TENM2: variants seen among roughly 807,000 people sequenced by gnomAD.
TENM2 encodes the protein teneurin-2.
TENM2 carries 52 observed loss-of-function variants against 245.2 expected under a neutral mutation model. The observed-to-expected ratio is 0.21, with a 90% CI of 0.17 to 0.27. The LOEUF (loss-of-function observed/expected upper bound fraction) is 0.27. Among genes scored for constraint, TENM2 ranks in the 10% least tolerant of loss-of-function variants. TENM2 has a pLI of 1.00. For missense variants in TENM2, 3,046 were observed against 3,666.8 expected, an observed-to-expected ratio of 0.83 and a Z score of 4.37; for synonymous variants, 1,363 against 1,438.9, an observed-to-expected ratio of 0.95 and a Z score of 1.19.
intron 2 of TENM2, among the ~76,000 whole-genome samples, chr5:167,396,918 G>C (rs1762085308): frequency 6.6e-6 from 1 of 152,132 alleles, no homozygotes; most frequent in Non-Finnish European, 1.5e-5. Flanking sequence ...GATGGGGTTA[G>C]AAGAACCAGC....
At chr5:167,446,793 G>GCACGCA (rs1765242439) in intron 2 of TENM2, among the ~76,000 whole-genome samples, 5 of 143,914 alleles carry the variant, frequency 3.5e-5, no homozygotes, top group Non-Finnish European at 7.6e-5. Flanking sequence ...TTTGAAACAC[G>GCACGCA]CACACACACA....
the TENM2 span, among the ~76,000 whole-genome samples, chr5:166,981,957 G>T: frequency 6.6e-6 from 1 of 152,134 alleles, no homozygotes; most frequent in Non-Finnish European, 1.5e-5. Flanking sequence ...TTTGTGGCTT[G>T]TTGATGGGTT....
chr5:167,570,891 T>C (rs979494005), intron 2 of TENM2, among the ~76,000 whole-genome samples: 2 of 152,096 alleles, frequency 1.3e-5, no homozygotes, highest in Non-Finnish European at 2.9e-5. Context: ...GATTTTACAT[T>C]TTACACTGGT....
intron 2 of TENM2, among the ~76,000 whole-genome samples, chr5:167,452,911 C>A (rs1765669844): frequency 1.8e-5 from 1 of 56,440 alleles, no homozygotes; most frequent in Non-Finnish European, 3.5e-5. Flanking sequence ...ACACATGTAC[C>A]CTAGAACTTA....
chr5:168,036,644 ATATAT>A lies in TENM2; in HGVS notation c.1187-10782_1187-10778del, dbSNP rs1239227015. ...AGAGCGAAACTCCATCAAAAAAAAA[ATATAT>A]ATATATATATATATAATATATGTAT... On this transcript the variant is annotated intron_variant, in intron 5 of 28. Transcript: ENST00000518659. Among the ~76,000 whole-genome samples, 253 of 109,712 alleles carry A rather than the reference ATATAT, an allele frequency of 2.3e-3. 4 individuals are homozygous for A. Among genetic ancestry groups the A allele is most frequent in the African/African-American group, 9.5e-3 (226 of 23,668 alleles). 72.0% of individuals were successfully genotyped at this position (109,712 alleles called of 152,430 possible).
the TENM2 span, among the ~76,000 whole-genome samples, chr5:167,208,183 AAGAG>A: frequency 2.0e-5 from 3 of 152,202 alleles, no homozygotes; most frequent in South Asian, 6.2e-4. Context: ...GAGGGTCAGA[AAGAG>A]AGAGAGATGA....
intron 1 of TENM2, among the ~76,000 whole-genome samples, chr5:167,329,920 A>G (rs1170448989): frequency 6.6e-6 from 1 of 152,166 alleles, no homozygotes; most frequent in Admixed American, 6.5e-5. Flanking sequence ...GGTCTTGAAC[A>G]TTGAAATCTA....
intron 2 of TENM2, among the ~76,000 whole-genome samples, chr5:167,783,911 G>A (rs549708907): frequency 1.1e-3 from 168 of 152,090 alleles, no homozygotes; most frequent in Non-Finnish European, 2.0e-3. Context: ...TAGAGGTGCA[G>A]TGTACCCCAA....
intron 1 of TENM2, among the ~76,000 whole-genome samples, chr5:167,345,404 C>T (rs1758394470): frequency 6.6e-6 from 1 of 152,216 alleles, no homozygotes; most frequent in Admixed American, 6.5e-5. Context: ...TTCAATCATA[C>T]ATCATTTACG....
chr5:167,758,539 T>A (rs1262540339), intron 2 of TENM2, among the ~76,000 whole-genome samples: 1 of 152,190 alleles, frequency 6.6e-6, no homozygotes, highest in Non-Finnish European at 1.5e-5. Context: ...TTTTTCTGTA[T>A]CTGAGACAGA....
At chr5:168,195,138 G>A in intron 14 of TENM2, 38 bp from the exon 17 acceptor site, 1 of 1,560,302 alleles carries the variant, frequency 6.4e-7, no homozygotes, top group Non-Finnish European at 8.7e-7. Flanking sequence ...CTGTTCTCCT[G>A]CATGTGGCTC....
the TENM2 span, among the ~76,000 whole-genome samples, chr5:167,133,392 T>G: frequency 6.6e-6 from 1 of 152,204 alleles, no homozygotes; most frequent in East Asian, 1.9e-4. Flanking sequence ...TGGCAGTTTG[T>G]GCATGCTTGG....
chr5:168,136,242 C>G (rs1755034831), intron 12 of TENM2, among the ~76,000 whole-genome samples: 1 of 152,154 alleles, frequency 6.6e-6, no homozygotes, highest in African/African-American at 2.4e-5. Flanking sequence ...GTGTGTCCCA[C>G]AAATAAGGAA....
At position 167,735,946 on chromosome 5, in the gene TENM2, AG is replaced by A. The variant is rs201559510; in HGVS notation, c.503-140034del. Reference sequence around the variant, plus strand: ...ATTGTACTTGTAGCATATACAATCTAGGGGGGAAAATAAAGTTTTACACATT... The same window carrying A: ...ATTGTACTTGTAGCATATACAATCTAGGGGGAAAATAAAGTTTTACACATT... On this transcript the variant is annotated intron_variant, in intron 2 of 28. Coordinates refer to ENST00000518659, the Ensembl canonical transcript of TENM2. Among the ~76,000 whole-genome samples, 1,228 of 152,304 alleles carry A rather than the reference AG, an allele frequency of 8.1e-3. 16 individuals are homozygous for A. The highest frequency in any genetic ancestry group is 0.028 in the African/African-American group (1,161 of 41,568).
chr5:167,748,697 A>G (rs1761753058), intron 2 of TENM2, among the ~76,000 whole-genome samples: 1 of 152,114 alleles, frequency 6.6e-6, no homozygotes, highest in Non-Finnish European at 1.5e-5. Flanking sequence ...TCATGACAGA[A>G]GGTGGAGCAG....
intron 3 of TENM2, among the ~76,000 whole-genome samples, chr5:167,918,924 G>T (rs996234683): frequency 9.2e-5 from 14 of 152,072 alleles, no homozygotes; most frequent in African/African-American, 2.9e-4. Context: ...CTGCAATAGC[G>T]AGTTAATTCA....
the TENM2 span, among the ~76,000 whole-genome samples, chr5:167,251,354 G>A: frequency 6.6e-6 from 1 of 152,094 alleles, no homozygotes; most frequent in African/African-American, 2.4e-5. Flanking sequence ...ATAGGAGAAT[G>A]TATAAACCTA....
intron 2 of TENM2, among the ~76,000 whole-genome samples, chr5:167,622,177 A>G (rs1778216435): frequency 6.6e-6 from 1 of 152,228 alleles, no homozygotes; most frequent in African/African-American, 2.4e-5. Context: ...CTTTTGTTCT[A>G]TTTGGTTTAT....
intron 2 of TENM2, among the ~76,000 whole-genome samples, chr5:167,411,312 C>T (rs1030096541): frequency 6.6e-6 from 1 of 152,028 alleles, no homozygotes; most frequent in South Asian, 2.1e-4. Context: ...TACTGGATTT[C>T]CAATTATTAG....
Sources: gnomAD v4.1 joint callset for allele counts (sites outside exome capture counted in the v4.1 genomes callset) on GRCh38, gnomAD v4.1.1 for gene constraint, MANE v1.5 for transcripts, NCBI Gene and HGNC (gene_info 2026-07-23, HGNC 2026-07-21) for gene names.